Variants in GRM8 observed in about 807,000 individuals in gnomAD.
GRM8 encodes the protein glutamate metabotropic receptor 8.
Under a neutral mutation model 87.2 loss-of-function variants are expected in GRM8, and 47 were observed. The ratio of observed to expected loss-of-function variants is 0.54; its 90% CI spans 0.43 to 0.69. The LOEUF (loss-of-function observed/expected upper bound fraction) is 0.69, where lower values mean the gene tolerates loss of function less well. Among genes scored for constraint, GRM8 ranks in the 30% least tolerant of loss-of-function variants. The pLI is 0.00. For missense variants in GRM8, 1,019 were observed against 1,139.2 expected, an observed-to-expected ratio of 0.89 and a Z score of 1.52; for synonymous variants, 396 against 404.5, an observed-to-expected ratio of 0.98 and a Z score of 0.25.
At chr7:126,567,693 C>T (rs1794352479) in intron 8 of GRM8, among the ~76,000 whole-genome samples, 1 of 151,878 alleles carries the variant, frequency 6.6e-6, no homozygotes, top group African/African-American at 2.4e-5. Context: ...AAGATATTTC[C>T]CCATTACTGA....
At chr7:127,053,473 T>A (rs1194412660) in intron 3 of GRM8, among the ~76,000 whole-genome samples, 1 of 152,212 alleles carries the variant, frequency 6.6e-6, no homozygotes, top group Admixed American at 6.5e-5. Flanking sequence ...TTATATTGAT[T>A]ATATACATAT....
intron 9 of GRM8, among the ~76,000 whole-genome samples, chr7:126,447,586 TTAAA>T (rs1802154809): frequency 6.6e-6 from 1 of 151,896 alleles, no homozygotes; most frequent in African/African-American, 2.4e-5. Flanking sequence ...TTGTGTCCTT[TTAAA>T]TAAAGAATCA....
intron 8 of GRM8, among the ~76,000 whole-genome samples, chr7:126,535,576 C>G (rs1355915610): frequency 6.6e-6 from 1 of 152,176 alleles, no homozygotes; most frequent in Non-Finnish European, 1.5e-5. Context: ...CAATTGCATG[C>G]AGAGTAAGGG....
At chr7:126,576,286 T>G (rs1795108997) in intron 8 of GRM8, among the ~76,000 whole-genome samples, 2 of 152,120 alleles carry the variant, frequency 1.3e-5, no homozygotes, top group Non-Finnish European at 2.9e-5. Flanking sequence ...GTTTTGGTTT[T>G]TTGTTTTGTT....
chr7:126,704,285 C>T (rs369906804), intron 7 of GRM8, among the ~76,000 whole-genome samples: 2 of 152,236 alleles, frequency 1.3e-5, no homozygotes, highest in African/African-American at 4.8e-5. Flanking sequence ...TTATCACTTC[C>T]CCAATCAATA....
At chr7:127,169,317 T>G (rs1793646391) in intron 2 of GRM8, among the ~76,000 whole-genome samples, 1 of 152,184 alleles carries the variant, frequency 6.6e-6, no homozygotes, top group African/African-American at 2.4e-5. Flanking sequence ...GCCAACACAT[T>G]CCCTTAAGCC....
chr7:126,684,328 C>A (rs1470346417), intron 7 of GRM8, among the ~76,000 whole-genome samples: 1 of 152,122 alleles, frequency 6.6e-6, no homozygotes, highest in African/African-American at 2.4e-5. Flanking sequence ...TATTATCACA[C>A]CCGGCTCCCA....
intron 6 of GRM8, among the ~76,000 whole-genome samples, chr7:126,898,188 A>T (rs1012376599): frequency 6.6e-6 from 1 of 152,228 alleles, no homozygotes; most frequent in African/African-American, 2.4e-5. Context: ...GCAGGTAGTT[A>T]AAATGCAAAC....
chr7:126,500,672 A>G (rs1374209372), intron 9 of GRM8, among the ~76,000 whole-genome samples: 1 of 152,020 alleles, frequency 6.6e-6, no homozygotes, highest in Non-Finnish European at 1.5e-5. Flanking sequence ...TGTAAAAAAT[A>G]CTCAGCACGG....
At chr7:126,734,008 A>G (rs1813907940) in intron 7 of GRM8, among the ~76,000 whole-genome samples, 5 of 152,082 alleles carry the variant, frequency 3.3e-5, no homozygotes, top group Admixed American at 3.3e-4. Context: ...AAGCATATCA[A>G]TAACTTCTTA....
chr7:126,744,263 A>C (rs1018382631), intron 7 of GRM8, among the ~76,000 whole-genome samples: 1 of 152,086 alleles, frequency 6.6e-6, no homozygotes, highest in African/African-American at 2.4e-5. Context: ...GAAACGACTG[A>C]CATATAAACC....
intron 9 of GRM8, among the ~76,000 whole-genome samples, chr7:126,503,314 G>A (rs556133322): frequency 6.6e-6 from 1 of 152,146 alleles, no homozygotes; most frequent in East Asian, 1.9e-4. Context: ...TTGTATCTCT[G>A]GAAAAGCCTG....
At chr7:126,936,813 A>G (rs1806380869) in intron 3 of GRM8, among the ~76,000 whole-genome samples, 1 of 152,170 alleles carries the variant, frequency 6.6e-6, no homozygotes, top group Non-Finnish European at 1.5e-5. Context: ...TCAATGTTGC[A>G]GAGAAGAAGT....
rs1465285055 is a variant in GRM8, at chr7:127,115,608, A to G, written c.511-8896T>C. 1.3e-5 allele frequency among the ~76,000 whole-genome samples: 2 copies of G among 152,246 alleles called. 1 individual carries two copies. The highest frequency in any genetic ancestry group is 1.3e-4 in the Admixed American group (2 of 15,288). On this transcript the variant is annotated intron_variant, in intron 2 of 10. Transcript: ENST00000339582. ...GAGAAGCAATCTATGAACATGAAATAATTTACATATAAGCAACCATAATTT... is the reference window on the plus strand; with the variant it reads ...GAGAAGCAATCTATGAACATGAAATGATTTACATATAAGCAACCATAATTT...
chr7:126,631,113 G>A (rs185828544), intron 7 of GRM8, among the ~76,000 whole-genome samples: 74 of 152,226 alleles, frequency 4.9e-4, no homozygotes, highest in African/African-American at 1.7e-3. Flanking sequence ...TAGATGACAT[G>A]ATCCTATATC....
chr7:126,712,848 C>T (rs1811257818), intron 7 of GRM8, among the ~76,000 whole-genome samples: 2 of 152,162 alleles, frequency 1.3e-5, no homozygotes, highest in South Asian at 4.1e-4. Flanking sequence ...GAAAAAAAAG[C>T]TCATCATCAC....
chr7:127,016,504 G>T (rs758197567), intron 3 of GRM8, among the ~76,000 whole-genome samples: 3 of 152,046 alleles, frequency 2.0e-5, no homozygotes, highest in Non-Finnish European at 4.4e-5. Context: ...TCGTGTTACT[G>T]CCTCTGTGCC....
intron 6 of GRM8, among the ~76,000 whole-genome samples, chr7:126,831,000 G>A (rs979053929): frequency 1.2e-4 from 18 of 152,216 alleles, no homozygotes; most frequent in South Asian, 2.1e-4. Flanking sequence ...TATCAGCAGC[G>A]GTGGCTGCAG....
chr7:126,963,893 T>A (rs1809569337), intron 3 of GRM8, among the ~76,000 whole-genome samples: 1 of 152,158 alleles, frequency 6.6e-6, no homozygotes, highest in Admixed American at 6.5e-5. Flanking sequence ...GCTGGAGGCA[T>A]CACACTGCCT....
Sources: allele counts gnomAD v4.1 joint callset (sites outside exome capture counted in the v4.1 genomes callset), GRCh38; gene constraint gnomAD v4.1.1; transcripts MANE v1.5; gene names NCBI Gene and HGNC (gene_info 2026-07-23, HGNC 2026-07-21).